Variants in CLPTM1L observed in about 807,000 individuals in gnomAD.
The protein encoded by CLPTM1L is lipid scramblase CLPTM1L.
In CLPTM1L, 38 loss-of-function variants were observed where a neutral mutation model predicts 70.9. The observed-to-expected ratio is 0.54, with a 90% CI of 0.41 to 0.70. CLPTM1L has a LOEUF of 0.70. Ranked by LOEUF, CLPTM1L falls within the 30% of genes least tolerant of loss-of-function variation. CLPTM1L has a pLI of 0.00. For synonymous variants in CLPTM1L, 339 were observed against 299.9 expected (o/e 1.13, Z -1.35); for missense variants, 652 against 705.9 (o/e 0.92, Z 0.87).
chr5:1,344,944 AG>A lies in CLPTM1L; in HGVS notation c.-104del. On this transcript the variant is annotated 5_prime_UTR_variant, in exon 1 of 17. It removes the in-frame stop codon of an upstream open reading frame in the 5' UTR. Transcript: ENST00000320895. Reference sequence around the variant, plus strand: ...CTCCGGGCTCCGCCGCTCACTGGAGAGCCGCCGCGCGCCACCGCCACCGCCG... The same window carrying A: ...CTCCGGGCTCCGCCGCTCACTGGAGACCGCCGCGCGCCACCGCCACCGCCG... 1.5e-6 allele frequency: 1 copy of A among 660,664 alleles called. No homozygotes were observed. Among genetic ancestry groups the A allele is most frequent in the East Asian group, 1.4e-4 (1 of 7,308 alleles). The allele number at this position is 660,664 out of a possible 1,614,324, so 40.9% of individuals were successfully genotyped here.
At chr5:1,325,585 AAG>A in intron 10 of CLPTM1L, 164 bp downstream of exon 10, 2 of 660,342 alleles carry the variant, frequency 3.0e-6, no homozygotes, top group South Asian at 1.8e-5. Flanking sequence ...TCCTCAGGCG[AAG>A]AGAGTGGCTG....
intron 14 of CLPTM1L, 24 bp from the exon 15 acceptor site, chr5:1,321,703 G>C (rs1338728733): frequency 1.2e-6 from 2 of 1,613,940 alleles, no homozygotes; most frequent in Non-Finnish European, 1.7e-6. Context: ...GACAGGCCCA[G>C]GTCAGCTGTG....
chr5:1,327,815 C>T (rs1752726451), intron 9 of CLPTM1L, among the ~76,000 whole-genome samples: 1 of 150,326 alleles, frequency 6.7e-6, no homozygotes, highest in African/African-American at 2.5e-5. Flanking sequence ...ACATTCCATC[C>T]AGCTCCTCCT....
At chr5:1,327,114 C>G (rs1456173463) in intron 9 of CLPTM1L, among the ~76,000 whole-genome samples, 1 of 139,884 alleles carries the variant, frequency 7.1e-6, no homozygotes, top group Non-Finnish European at 1.5e-5. Flanking sequence ...CAGACACATT[C>G]CATCCAGCTC....
At chr5:1,327,688 C>G (rs1218015846) in intron 9 of CLPTM1L, among the ~76,000 whole-genome samples, 7 of 146,356 alleles carry the variant, frequency 4.8e-5, no homozygotes, top group Admixed American at 6.8e-5. Context: ...CCTCTACAGA[C>G]ACATTTCATC....
At chr5:1,326,727 CGGGG>C (rs1752588068) in intron 9 of CLPTM1L, among the ~76,000 whole-genome samples, 4 of 151,306 alleles carry the variant, frequency 2.6e-5, no homozygotes, top group African/African-American at 7.3e-5. Context: ...TCCTCCTCTA[CGGGG>C]ACATTTCATC....
At position 1,320,804 on chromosome 5, in the gene CLPTM1L, C is replaced by A. The variant is rs980164658; in HGVS notation, c.1417-73G>T. On this transcript the variant is annotated intron_variant, in intron 15 of 16. Transcript: ENST00000320895. ...AATCCTACTGTTTTTGGTAACCTAACCAAGCCAACGGCTTTTGGCAGATGC... is the reference window on the plus strand; with the variant it reads ...AATCCTACTGTTTTTGGTAACCTAAACAAGCCAACGGCTTTTGGCAGATGC... 6.3e-6 allele frequency: 5 copies of A among 798,876 alleles called. No homozygotes were observed. The African/African-American group carries it at 8.8e-5, about 14-fold the overall frequency. The allele number at this position is 798,876 out of a possible 1,614,324, so 49.5% of individuals were successfully genotyped here. A position where few individuals can be genotyped will look rare whatever the true frequency, so the allele number is the denominator to read the frequency against.
chr5:1,321,977 T>C (rs1397205606), intron 13 of CLPTM1L, 158 bp from the exon 14 acceptor site: 3 of 695,872 alleles, frequency 4.3e-6, no homozygotes, highest in South Asian at 1.7e-5. Flanking sequence ...GAGTCCATCA[T>C]GGTGTGAAGC....
At position 1,318,869 on chromosome 5, in the gene CLPTM1L, T is replaced by C. The variant is rs1751986243; in HGVS notation, c.1533-416A>G. Reference sequence around the variant, plus strand: ...CTTGGCAGGACACTGCCGCCGCCTTTGATCCTGAGCGCCCCGGAGGCCTTG... The same window carrying C: ...CTTGGCAGGACACTGCCGCCGCCTTCGATCCTGAGCGCCCCGGAGGCCTTG... On this transcript the variant is annotated intron_variant, in intron 16 of 16. Transcript: ENST00000320895. This position sits in a 1 kb window ranked among gnomAD's most constrained non-coding sequence, Gnocchi z 8.9. 6.6e-6 allele frequency among the ~76,000 whole-genome samples: 1 copy of C among 152,166 alleles called. No individual in the cohort carries two copies. The highest frequency in any genetic ancestry group is 1.9e-4 in the East Asian group (1 of 5,196).
intron 11 of CLPTM1L, 180 bp from the exon 12 acceptor site, chr5:1,324,049 C>A: frequency 1.7e-6 from 1 of 601,940 alleles, no homozygotes; most frequent in Non-Finnish European, 3.0e-6. Flanking sequence ...CTCGCCACAG[C>A]CCCAGGAGGC....
intron 12 of CLPTM1L, 112 bp from the exon 13 acceptor site, chr5:1,323,023 C>T (rs550393273): frequency 3.3e-5 from 35 of 1,051,976 alleles, no homozygotes; most frequent in Non-Finnish European, 4.8e-5. Context: ...CCCAGATGCT[C>T]TCACGGCAGC....
Position 1,342,070 on chromosome 5 carries a change from C to T in CLPTM1L, c.264-210G>A, listed in dbSNP as rs1193654495. ...CGCACGCGTGCGCGTCCTGAGAACT[C>T]GGCACAGGTGTGGGCGCCTACAGCC... On this transcript the variant is annotated intron_variant, in intron 2 of 16. Transcript: ENST00000320895. This position sits in a 1 kb window ranked among gnomAD's most constrained non-coding sequence, Gnocchi z 4.3. 6.7e-6 allele frequency among the ~76,000 whole-genome samples: 1 copy of T among 149,182 alleles called. No individual in the cohort carries two copies. The highest frequency in any genetic ancestry group is 1.9e-4 in the East Asian group (1 of 5,150).
chr5:1,344,496 C>G, intron 1 of CLPTM1L, 45 bp from the exon 2 acceptor site: 1 of 1,559,268 alleles, frequency 6.4e-7, no homozygotes, highest in Non-Finnish European at 8.8e-7. Context: ...CAGGCCCTGG[C>G]AGGACGCACT....
rs868129436 is a variant in CLPTM1L, at chr5:1,339,889, C to T, written c.454-884G>A. Among the ~76,000 whole-genome samples the T allele has an allele frequency of 8.9e-4, 131 of 147,484 alleles. 1 individual carries two copies. In the Middle Eastern group the frequency reaches 0.014, roughly 16 times the overall value. Reference sequence around the variant, plus strand: ...GCCACACAGACGGGCAAACTGTGCCCGGGACAGCAGGGTCAGCGCCCTAAC... The same window carrying T: ...GCCACACAGACGGGCAAACTGTGCCTGGGACAGCAGGGTCAGCGCCCTAAC... On this transcript the variant is annotated intron_variant, in intron 3 of 16. Transcript: ENST00000320895.
At chr5:1,320,169 G>C (rs1255458490) in intron 16 of CLPTM1L, 1 of 154,244 alleles carries the variant, frequency 6.5e-6, no homozygotes, top group Non-Finnish European at 1.4e-5. Context: ...GCTGGTTTAA[G>C]GGGTGCGGCC....
At chr5:1,333,695 C>G (rs199657245) in intron 7 of CLPTM1L, among the ~76,000 whole-genome samples, 1,339 of 34,704 alleles carry the variant, frequency 0.039, 16 homozygotes, top group Middle Eastern at 0.062. Context: ...GTAGACACAC[C>G]GCAAGAGGAT....
At chr5:1,332,799 T>C (rs1387840058) in intron 7 of CLPTM1L, among the ~76,000 whole-genome samples, 1 of 152,274 alleles carries the variant, frequency 6.6e-6, no homozygotes, top group Non-Finnish European at 1.5e-5. Context: ...AATTGAACTT[T>C]ATCAAAACCA....
chr5:1,324,873 A>AGCTG, intron 10 of CLPTM1L, 60 bp from the exon 11 acceptor site: 1 of 1,503,566 alleles, frequency 6.7e-7, no homozygotes, highest in South Asian at 1.1e-5. Flanking sequence ...AGCACAGCTG[A>AGCTG]GCTGTGACTA....
intron 7 of CLPTM1L, 33 bp from the exon 8 acceptor site, chr5:1,331,916 CT>C: frequency 6.7e-7 from 1 of 1,486,374 alleles, no homozygotes; most frequent in Non-Finnish European, 9.3e-7. Context: ...CAACTCACAT[CT>C]CCTGCTGTTT....
Sources: allele counts gnomAD v4.1 joint callset (sites outside exome capture counted in the v4.1 genomes callset), GRCh38; gene constraint gnomAD v4.1.1; non-coding constraint Gnocchi (gnomAD v3.1); transcripts MANE v1.5; gene names NCBI Gene and HGNC (gene_info 2026-07-23, HGNC 2026-07-21).